The following PHF21A variants were observed in gnomAD, a reference collection of about 807,000 sequenced individuals.
PHF21A encodes BHC80a.
A neutral mutation model predicts 82.5 loss-of-function variants in PHF21A; 11 were observed. That is an observed-to-expected ratio of 0.13 (90% CI 0.08 to 0.22). PHF21A has a LOEUF of 0.22. Among genes scored for constraint, PHF21A ranks in the 10% least tolerant of loss-of-function variants. The probability of loss-of-function intolerance (pLI) is 1.00; values close to 1 mark genes in which losing one functional copy is unlikely to be tolerated. For synonymous variants in PHF21A, 297 were observed against 302.8 expected, an observed-to-expected ratio of 0.98 and a Z score of 0.20; for missense variants, 579 against 837.8, an observed-to-expected ratio of 0.69 and a Z score of 3.81.
chr11:46,087,701 A>G (rs2096872829), intron 3 of PHF21A, among the ~76,000 whole-genome samples: 1 of 152,144 alleles, frequency 6.6e-6, no homozygotes. Context: ...TTTTTCTTGT[A>G]GAGAAGGGGT....
intron 6 of PHF21A, among the ~76,000 whole-genome samples, chr11:46,017,572 C>T (rs2137663945): frequency 6.6e-6 from 1 of 151,056 alleles, no homozygotes; most frequent in Admixed American, 6.6e-5. Context: ...CAGGATTTGC[C>T]CTTAAGGGGG....
intron 6 of PHF21A, among the ~76,000 whole-genome samples, chr11:46,019,952 GTTCTT>G (rs1241149523): frequency 6.7e-6 from 1 of 150,270 alleles, no homozygotes; most frequent in Admixed American, 6.6e-5. Context: ...TTCAAATTGT[GTTCTT>G]TTAAGGGCAT....
intron 7 of PHF21A, 141 bp downstream of exon 7, chr11:45,979,619 A>G: frequency 1.7e-6 from 2 of 1,154,008 alleles, no homozygotes; most frequent in South Asian, 2.8e-5. Context: ...TATCTGGGTT[A>G]TACTGTAAAA....
intron 3 of PHF21A, among the ~76,000 whole-genome samples, chr11:46,088,472 A>C (rs2096882869): frequency 6.6e-6 from 1 of 152,172 alleles, no homozygotes; most frequent in African/African-American, 2.4e-5. Flanking sequence ...CAAACACACA[A>C]AAACAATAAT....
At chr11:45,940,080 C>G (rs2090052764) in intron 15 of PHF21A, among the ~76,000 whole-genome samples, 1 of 152,136 alleles carries the variant, frequency 6.6e-6, no homozygotes. Flanking sequence ...CGTCATGGAC[C>G]TACAATTTCA....
chr11:46,054,450 C>T (rs973956087), intron 6 of PHF21A, among the ~76,000 whole-genome samples: 1 of 152,158 alleles, frequency 6.6e-6, no homozygotes, highest in African/African-American at 2.4e-5. Flanking sequence ...CACTTACCTA[C>T]TCCTACACAT....
At chr11:46,052,309 G>A (rs1778394316) in intron 6 of PHF21A, among the ~76,000 whole-genome samples, 1 of 152,220 alleles carries the variant, frequency 6.6e-6, no homozygotes, top group Admixed American at 6.5e-5. Context: ...AAAAGAGGGA[G>A]AAAGTGTCCT....
At chr11:45,937,634 C>T (rs754419864) in intron 16 of PHF21A, among the ~76,000 whole-genome samples, 6 of 152,198 alleles carry the variant, frequency 3.9e-5, no homozygotes, top group Non-Finnish European at 7.3e-5. Context: ...GCGCCTGCCA[C>T]CATGCCCGGC....
chr11:45,979,804 C>CGTG lies in PHF21A; in HGVS notation c.313_315dup (p.His105dup), dbSNP rs757715634. ...GGAGAGGCTGCAGCTGACTGCTGGG[C>CGTG]GTGGTGGTGGTGGTACTGCTGCTGT... On this transcript the variant is annotated inframe_insertion, in exon 7 of 19. Transcript: ENST00000676320. The CGTG allele has an allele frequency of 3.1e-6, 5 of 1,613,764 alleles. No homozygotes were observed. The highest frequency in any genetic ancestry group is 1.3e-5 in the African/African-American group (1 of 74,852).
At chr11:46,102,962 G>C (rs2097113558) in intron 1 of PHF21A, among the ~76,000 whole-genome samples, 2 of 152,136 alleles carry the variant, frequency 1.3e-5, no homozygotes, top group Non-Finnish European at 2.9e-5. Flanking sequence ...GCAGGGGACG[G>C]AAAGAGACCA....
intron 15 of PHF21A, among the ~76,000 whole-genome samples, chr11:45,941,152 G>A (rs1324372195): frequency 6.6e-6 from 1 of 152,062 alleles, no homozygotes; most frequent in Admixed American, 6.5e-5. Flanking sequence ...AGGCTGGAGT[G>A]CAGTGCTGTG....
At chr11:46,074,832 A>G (rs960461028) in intron 6 of PHF21A, among the ~76,000 whole-genome samples, 2 of 152,212 alleles carry the variant, frequency 1.3e-5, no homozygotes, top group Non-Finnish European at 2.9e-5. Flanking sequence ...AAAGAGTAAT[A>G]TCACATGTTG....
intron 10 of PHF21A, among the ~76,000 whole-genome samples, chr11:45,954,145 C>T (rs1171858156): frequency 3.9e-5 from 6 of 152,022 alleles, no homozygotes; most frequent in East Asian, 3.9e-4. Context: ...TACAGGCACC[C>T]GCTACCACAC....
At chr11:46,053,539 A>G (rs1363977684) in intron 6 of PHF21A, among the ~76,000 whole-genome samples, 6 of 151,982 alleles carry the variant, frequency 3.9e-5, no homozygotes, top group Non-Finnish European at 5.9e-5. Flanking sequence ...CATTATATAT[A>G]TAATTATATG....
At chr11:45,944,576 G>A (rs1259404566) in intron 15 of PHF21A, among the ~76,000 whole-genome samples, 3 of 152,146 alleles carry the variant, frequency 2.0e-5, no homozygotes, top group Non-Finnish European at 4.4e-5. Context: ...ACCCTGGCCA[G>A]CTTGCTCTGC....
chr11:45,930,483 TAAGG>T lies in PHF21A; in HGVS notation c.*3481_*3484del. The T allele has an allele frequency of 6.6e-6, 1 of 152,350 alleles. No homozygotes were observed. The highest frequency in any genetic ancestry group is 1.5e-5 in the Non-Finnish European group (1 of 68,152). The allele number at this position is 152,350 out of a possible 1,614,324, so 9.4% of individuals were successfully genotyped here. On this transcript the variant is annotated 3_prime_UTR_variant, in exon 19 of 19. Coordinates refer to ENST00000676320, the MANE Select transcript of PHF21A (RefSeq NM_001352027.3). ...AGCAGGCTTACCCCAAAGGGCCTGA[TAAGG>T]AAGGAAGAAATCAAAACCCCAGAGG...
At chr11:45,980,395 G>A (rs1008558585) in intron 6 of PHF21A, among the ~76,000 whole-genome samples, 3 of 152,192 alleles carry the variant, frequency 2.0e-5, no homozygotes, top group Non-Finnish European at 4.4e-5. Context: ...TCACTGTCTT[G>A]CTCTTTAAAA....
At chr11:46,066,027 G>A (rs2096590133) in intron 6 of PHF21A, among the ~76,000 whole-genome samples, 1 of 152,136 alleles carries the variant, frequency 6.6e-6, no homozygotes, top group African/African-American at 2.4e-5. Flanking sequence ...AGCTTCCTGT[G>A]AATCTGTAAT....
chr11:46,113,777 T>C (rs922911463), intron 1 of PHF21A, among the ~76,000 whole-genome samples: 3 of 145,506 alleles, frequency 2.1e-5, no homozygotes, highest in African/African-American at 7.7e-5. Context: ...AGTGAGCTAA[T>C]ATCGCACCAC....
Sources: allele counts gnomAD v4.1 joint callset (sites outside exome capture counted in the v4.1 genomes callset), GRCh38; gene constraint gnomAD v4.1.1; transcripts MANE v1.5; gene names NCBI Gene and HGNC (gene_info 2026-07-23, HGNC 2026-07-21).